The following LRP1 variants were observed in gnomAD, a reference collection of about 807,000 sequenced individuals.
LRP1 encodes LDL receptor related protein 1.
In LRP1, 51 loss-of-function variants were observed where a neutral mutation model predicts 541.5. That is an observed-to-expected ratio of 0.09 (90% confidence interval 0.08 to 0.12). The LOEUF (loss-of-function observed/expected upper bound fraction) is 0.12, where lower values mean the gene tolerates loss of function less well. Among genes scored for constraint, LRP1 ranks in the 10% least tolerant of loss-of-function variants. LRP1 has a pLI of 1.00. For missense variants in LRP1, 3,878 were observed against 6,376.2 expected (o/e 0.61, Z 13.34); for synonymous variants, 2,219 against 2,470.8 (o/e 0.90, Z 3.02).
At chr12:57,143,538 T>C in intron 3 of LRP1, 141 bp from the exon 4 acceptor site, 1 of 1,011,356 alleles carries the variant, frequency 9.9e-7, no homozygotes, top group African/African-American at 1.6e-5. Context: ...TGGTAGATGC[T>C]TCCTAAGGCC....
rs1454975184 is a variant in LRP1 at position 57,156,618 on chromosome 12, G to A, written c.1418-159G>A. On this transcript the variant is annotated intron_variant, in intron 9 of 88. Coordinates refer to ENST00000243077, the MANE Select transcript of LRP1 (RefSeq NM_002332.3). The surrounding 1 kb of genome is among the most constrained non-coding windows in gnomAD (Gnocchi z 5.2). The stretch of plus-strand genomic sequence containing the variant: ...AAGAGTTTGAAGGCTGGGTTGTTGG[G>A]GGGCAGAGGGTTTCCACCCCTGTGG... Among the ~76,000 whole-genome samples the A allele has an allele frequency of 6.6e-6, 1 of 152,258 alleles. No homozygotes were observed. Among genetic ancestry groups the A allele is most frequent in the Non-Finnish European group, 1.5e-5 (1 of 68,042 alleles).
rs34756492 is a variant in LRP1 at position 57,187,914 on chromosome 12, C to T, written c.7031+458C>T. Among the ~76,000 whole-genome samples the T allele has an allele frequency of 5.0e-3, 767 of 152,268 alleles. 7 individuals carry two copies. The highest frequency in any genetic ancestry group is 0.017 in the African/African-American group (715 of 41,530). On this transcript the variant is annotated intron_variant, in intron 42 of 88. Coordinates refer to ENST00000243077, the MANE Select transcript of LRP1 (RefSeq NM_002332.3). ...CTGGCACAGGGCTGTATACGGGTGACCACAGGTGTCATGAAGGCAGTAGAT... is the reference window on the plus strand; with the variant it reads ...CTGGCACAGGGCTGTATACGGGTGATCACAGGTGTCATGAAGGCAGTAGAT...
At chr12:57,167,975 G>A (rs1418129723) in intron 19 of LRP1, among the ~76,000 whole-genome samples, 3 of 152,222 alleles carry the variant, frequency 2.0e-5, no homozygotes, top group African/African-American at 7.2e-5. Flanking sequence ...GAGCCACCAG[G>A]GCTAGTATGT....
intron 24 of LRP1, among the ~76,000 whole-genome samples, chr12:57,176,416 C>G (rs2036048230): frequency 6.6e-6 from 1 of 152,246 alleles, no homozygotes. Context: ...TACCTGAACG[C>G]TGCTTTCTGT....
At chr12:57,174,896 C>T (rs1200759173) in intron 22 of LRP1, among the ~76,000 whole-genome samples, 1 of 152,122 alleles carries the variant, frequency 6.6e-6, no homozygotes, top group African/African-American at 2.4e-5. Flanking sequence ...CTTATCTGGT[C>T]CTCTTAGCCA....
chr12:57,180,014 C>A (rs2036130366), intron 30 of LRP1, 33 bp from the exon 31 acceptor site: 1 of 1,613,262 alleles, frequency 6.2e-7, no homozygotes, highest in East Asian at 2.2e-5. Flanking sequence ...AGAAGAGGAC[C>A]CTGACCTTTC....
intron 15 of LRP1, among the ~76,000 whole-genome samples, chr12:57,163,988 T>G (rs1329560625): frequency 1.3e-5 from 2 of 152,074 alleles, no homozygotes; most frequent in Non-Finnish European, 2.9e-5. Context: ...CTGGCCAACA[T>G]GGTGAAACCC....
chr12:57,181,357 G>T, intron 34 of LRP1, 66 bp downstream of exon 34: 1 of 1,535,786 alleles, frequency 6.5e-7, no homozygotes. Context: ...CTACCCTACA[G>T]CCCCACCTTC....
chr12:57,128,896 T>TG lies in LRP1; in HGVS notation c.-61dup, dbSNP rs35919563. The TG allele has an allele frequency of 1.6e-3, 2,226 of 1,349,318 alleles. 2 individuals carry two copies. The highest frequency in any genetic ancestry group is 2.3e-3 in the Middle Eastern group (12 of 5,148). 83.6% of individuals were successfully genotyped at this position (1,349,318 alleles called of 1,614,324 possible). ...AGGAGGAAAAGGGGGACCCCCCAAC[T>TG]GGGGGGGGTGAAGGAGAGAAGTAGC... On this transcript the variant is annotated 5_prime_UTR_variant, in exon 1 of 89. Transcript: ENST00000243077.
intron 23 of LRP1, 77 bp from the exon 24 acceptor site, chr12:57,175,832 A>G: frequency 6.3e-7 from 1 of 1,585,056 alleles, no homozygotes; most frequent in Non-Finnish European, 8.6e-7. Context: ...GGACCAGCAG[A>G]GACCTGCCTG....
At chr12:57,132,291 A>G (rs920663045) in intron 1 of LRP1, among the ~76,000 whole-genome samples, 11 of 152,148 alleles carry the variant, frequency 7.2e-5, no homozygotes, top group African/African-American at 2.2e-4. Flanking sequence ...GTATATGTGG[A>G]GAGTTGTCCC....
chr12:57,211,384 C>T lies in LRP1; in HGVS notation c.13091+34C>T. ...GGCCCTCCTCCACAGTTCCACCCAGCTGGGCCCCTGCCCTGTCCTAGCCCT... is the reference window on the plus strand; with the variant it reads ...GGCCCTCCTCCACAGTTCCACCCAGTTGGGCCCCTGCCCTGTCCTAGCCCT... On this transcript the variant is annotated intron_variant, in intron 84 of 88. Coordinates refer to ENST00000243077, the MANE Select transcript of LRP1 (RefSeq NM_002332.3). This position sits in a 1 kb window ranked among gnomAD's most constrained non-coding sequence, Gnocchi z 4.3. 3.7e-6 allele frequency: 6 copies of T among 1,611,458 alleles called. No homozygotes were observed. Among genetic ancestry groups the T allele is most frequent in the Non-Finnish European group, 4.2e-6 (5 of 1,179,042 alleles).
intron 81 of LRP1, 34 bp from the exon 82 acceptor site, chr12:57,210,273 C>T (rs2136756218): frequency 6.5e-7 from 1 of 1,548,832 alleles, no homozygotes; most frequent in South Asian, 1.2e-5. Flanking sequence ...CTCCTATTCC[C>T]CTGGCTCTGC....
At chr12:57,174,844 G>A (rs1335147353) in intron 22 of LRP1, among the ~76,000 whole-genome samples, 1 of 152,142 alleles carries the variant, frequency 6.6e-6, no homozygotes, top group Non-Finnish European at 1.5e-5. Context: ...AGGAGTCAGG[G>A]AGGACCATGT....
rs2034972269 is a variant in LRP1 at position 57,128,863 on chromosome 12, A to G, written c.-102A>G. On this transcript the variant is annotated 5_prime_UTR_variant, in exon 1 of 89. Transcript: ENST00000243077. ...GAAAGAATAAGAACAGAGAAGGAGG[A>G]GGGGGAAAGGAGGAAAAGGGGGACC... 3.2e-6 allele frequency: 3 copies of G among 947,636 alleles called. No homozygotes were observed. The South Asian group carries it at 4.9e-5, about 16-fold the overall frequency. 58.7% of individuals were successfully genotyped at this position (947,636 alleles called of 1,614,324 possible).
chr12:57,182,387 T>C (rs1421546586), intron 34 of LRP1, among the ~76,000 whole-genome samples: 3 of 152,066 alleles, frequency 2.0e-5, no homozygotes, highest in African/African-American at 7.2e-5. Context: ...GGTGGGCACC[T>C]GTAATCCCAG....
intron 1 of LRP1, among the ~76,000 whole-genome samples, chr12:57,138,035 A>G (rs1206595042): frequency 1.3e-5 from 2 of 152,130 alleles, no homozygotes; most frequent in Non-Finnish European, 2.9e-5. Context: ...GAGGTTAGAT[A>G]AGACCAGCTC....
In LRP1 at chr12:57,195,252, G is replaced by A. The variant is rs1287087276; in HGVS notation, c.8309-19G>A. Reference sequence around the variant, plus strand: ...CTACCCGCTCCTAAGTCTCTCAGTGGCCCTCTCTCCCCCTACAGAAGGCAA... The same window carrying A: ...CTACCCGCTCCTAAGTCTCTCAGTGACCCTCTCTCCCCCTACAGAAGGCAA... On this transcript the variant is annotated intron_variant, in intron 51 of 88. Coordinates refer to ENST00000243077, the MANE Select transcript of LRP1 (RefSeq NM_002332.3). The A allele has an allele frequency of 1.9e-6, 3 of 1,611,210 alleles. No individual in the cohort carries two copies. The East Asian group carries it at 6.7e-5, about 36-fold the overall frequency.
intron 79 of LRP1, 141 bp from the exon 80 acceptor site, chr12:57,209,551 G>A (rs2036862072): frequency 2.9e-6 from 2 of 689,524 alleles, no homozygotes; most frequent in African/African-American, 3.5e-5. Flanking sequence ...CACAGGAGGA[G>A]GAACCGGTGT....
Sources: gnomAD v4.1 joint callset for allele counts (sites outside exome capture counted in the v4.1 genomes callset) on GRCh38, gnomAD v4.1.1 for gene constraint, Gnocchi (gnomAD v3.1) non-coding constraint, MANE v1.5 for transcripts, NCBI Gene and HGNC (gene_info 2026-07-23, HGNC 2026-07-21) for gene names.